The following GRIN2A variants were observed in gnomAD, a reference collection of about 807,000 sequenced individuals.
GRIN2A encodes glutamate ionotropic receptor NMDA type subunit 2A, also known as glutamate receptor ionotropic, NMDA 2A.
Under a neutral mutation model 113.4 loss-of-function variants are expected in GRIN2A, and 22 were observed. The ratio of observed to expected loss-of-function variants is 0.19; its 90% CI spans 0.14 to 0.28. The LOEUF is 0.28. GRIN2A is among the 10% of genes least tolerant of loss of function. GRIN2A has a pLI of 1.00. For synonymous variants in GRIN2A, 827 were observed against 738.4 expected (o/e 1.12, Z -1.94); for missense variants, 1,502 against 1,887.0 (o/e 0.80, Z 3.78).
intron 2 of GRIN2A, among the ~76,000 whole-genome samples, chr16:10,077,779 C>A (rs1426255955): frequency 1.3e-5 from 2 of 152,190 alleles, no homozygotes; most frequent in Non-Finnish European, 2.9e-5. Context: ...ATGCTATTTT[C>A]TCTCCTTGGA....
At position 9,937,980 on chromosome 16, in the gene GRIN2A, A is replaced by T; in HGVS notation, c.986T>A (p.Val329Asp). 6.2e-7 allele frequency: 1 copy of T among 1,613,408 alleles called. No individual in the cohort carries two copies. The highest frequency in any genetic ancestry group is 8.5e-7 in the Non-Finnish European group (1 of 1,179,640). ...TTACGGGTGCAAGGTGTGCATCGGG[A>T]CCTCTGGCCTCTCCATCTGCCCGTA... ...SCYGQMERPE[V>D]PMHTLHPFMV... The change falls in exon 3 of 13, where the codon GTC becomes GAC. Residue 329 changes from valine (V) to aspartate (D), a missense_variant. Around this residue, in one of 7 missense-constraint regions of GRIN2A, gnomAD observed 334 missense variants for 403.0 expected, o/e 0.83. Transcript: ENST00000330684.
At chr16:10,142,550 G>A (rs1038658787) in intron 2 of GRIN2A, among the ~76,000 whole-genome samples, 3 of 152,026 alleles carry the variant, frequency 2.0e-5, no homozygotes, top group Admixed American at 6.6e-5. Context: ...AAAATTACCC[G>A]GGCATGGTGG....
At chr16:10,159,417 A>T (rs188670914) in intron 2 of GRIN2A, among the ~76,000 whole-genome samples, 1 of 152,310 alleles carries the variant, frequency 6.6e-6, no homozygotes, top group Admixed American at 6.5e-5. Context: ...TGAGGCTACA[A>T]CTGTAGATTG....
At chr16:10,115,856 T>C (rs1177809293) in intron 2 of GRIN2A, among the ~76,000 whole-genome samples, 1 of 152,172 alleles carries the variant, frequency 6.6e-6, no homozygotes, top group Non-Finnish European at 1.5e-5. Flanking sequence ...AATAGAACCA[T>C]GAACACTTTT....
intron 8 of GRIN2A, among the ~76,000 whole-genome samples, chr16:9,832,944 G>C (rs946017407): frequency 3.3e-5 from 5 of 152,194 alleles, no homozygotes; most frequent in African/African-American, 1.2e-4. Context: ...ATGACCTGTT[G>C]AGTATTTCCA....
intron 2 of GRIN2A, among the ~76,000 whole-genome samples, chr16:9,952,836 G>C (rs59775432): frequency 6.6e-6 from 1 of 151,884 alleles, no homozygotes; most frequent in Non-Finnish European, 1.5e-5. Flanking sequence ...CAACAAGAAA[G>C]TGAGAGAAAA....
intron 4 of GRIN2A, among the ~76,000 whole-genome samples, chr16:9,851,842 C>T (rs2042887711): frequency 6.6e-6 from 1 of 152,046 alleles, no homozygotes; most frequent in African/African-American, 2.4e-5. Flanking sequence ...TTTGAATGAG[C>T]CAAAAAGTAC....
chr16:10,030,813 A>G (rs1319541085), intron 2 of GRIN2A, among the ~76,000 whole-genome samples: 1 of 152,180 alleles, frequency 6.6e-6, no homozygotes, highest in Non-Finnish European at 1.5e-5. Context: ...ACAATCTCAG[A>G]TACTATTTAA....
chr16:10,178,924 C>T (rs2050204497), intron 2 of GRIN2A, among the ~76,000 whole-genome samples: 1 of 152,262 alleles, frequency 6.6e-6, no homozygotes, highest in Admixed American at 6.5e-5. Context: ...TACACTTACT[C>T]TTTCCTCGCC....
chr16:10,065,061 G>A (rs187507781), intron 2 of GRIN2A, among the ~76,000 whole-genome samples: 132 of 152,326 alleles, frequency 8.7e-4, no homozygotes, highest in African/African-American at 2.9e-3. Flanking sequence ...ATTTAGCAAA[G>A]TCTGGTGATA....
At chr16:10,022,732 T>C (rs549737927) in intron 2 of GRIN2A, among the ~76,000 whole-genome samples, 63 of 152,268 alleles carry the variant, frequency 4.1e-4, no homozygotes, top group African/African-American at 1.4e-3. Context: ...TTGGAACTGT[T>C]TTTCCATAAA....
At chr16:9,871,054 A>C (rs544634756) in intron 4 of GRIN2A, among the ~76,000 whole-genome samples, 1 of 151,740 alleles carries the variant, frequency 6.6e-6, no homozygotes, top group Admixed American at 6.6e-5. Flanking sequence ...GTGACTTTCC[A>C]TTTTTTCCCT....
intron 2 of GRIN2A, among the ~76,000 whole-genome samples, chr16:10,135,303 C>T (rs1447416936): frequency 1.3e-5 from 2 of 152,276 alleles, no homozygotes; most frequent in Admixed American, 6.5e-5. Context: ...ATGCTTTTAA[C>T]GTCCATATTT....
intron 2 of GRIN2A, among the ~76,000 whole-genome samples, chr16:10,146,291 T>C (rs2049438599): frequency 6.6e-6 from 1 of 152,158 alleles, no homozygotes; most frequent in South Asian, 2.1e-4. Context: ...CTAATTTTTA[T>C]ATTTTTAGCA....
intron 10 of GRIN2A, among the ~76,000 whole-genome samples, chr16:9,815,242 G>C (rs1357658287): frequency 6.6e-6 from 1 of 151,814 alleles, no homozygotes; most frequent in Non-Finnish European, 1.5e-5. Context: ...TTGGTAAAAA[G>C]ACAATACTCC....
chr16:10,150,341 C>T (rs1782700148), intron 2 of GRIN2A, among the ~76,000 whole-genome samples: 1 of 152,188 alleles, frequency 6.6e-6, no homozygotes, highest in Non-Finnish European at 1.5e-5. Context: ...TAGGAAATAG[C>T]AGTGGGTTTT....
intron 3 of GRIN2A, among the ~76,000 whole-genome samples, chr16:9,920,486 C>T (rs1207704310): frequency 6.6e-6 from 1 of 152,036 alleles, no homozygotes; most frequent in African/African-American, 2.4e-5. Context: ...TATGATGGAT[C>T]CCTCCTCCTG....
At chr16:9,926,020 A>G (rs1007847614) in intron 3 of GRIN2A, among the ~76,000 whole-genome samples, 2 of 152,212 alleles carry the variant, frequency 1.3e-5, no homozygotes, top group African/African-American at 4.8e-5. Context: ...ATCATTTGCC[A>G]TTCACTTGAC....
chr16:9,896,701 A>C (rs888063810), intron 3 of GRIN2A, among the ~76,000 whole-genome samples: 2 of 152,172 alleles, frequency 1.3e-5, no homozygotes, highest in Non-Finnish European at 2.9e-5. Flanking sequence ...AACCTCTAAC[A>C]GAAATTTCTG....
Sources: gnomAD v4.1 joint callset for allele counts (sites outside exome capture counted in the v4.1 genomes callset) on GRCh38, gnomAD v4.1.1 for gene constraint, gnomAD v4.1.1 regional missense constraint, MANE v1.5 for transcripts, NCBI Gene and HGNC (gene_info 2026-07-23, HGNC 2026-07-21) for gene names.